Variants in LRRC8E observed in about 807,000 individuals in gnomAD.
The protein encoded by LRRC8E is leucine rich repeat containing 8 VRAC subunit E, also known as volume-regulated anion channel subunit LRRC8E.
Under a neutral mutation model 6.1 loss-of-function variants are expected in LRRC8E, and 6 were observed. The ratio of observed to expected loss-of-function variants is 0.98; its 90% CI spans 0.54 to 1.93. The LOEUF (loss-of-function observed/expected upper bound fraction) is 1.93, where lower values mean the gene tolerates loss of function less well. Ranked by LOEUF, LRRC8E falls within the 30% of genes most tolerant of loss-of-function variation. The pLI, the probability that LRRC8E is intolerant of heterozygous loss-of-function variation, is 0.01. For synonymous variants in LRRC8E, 485 were observed against 472.8 expected (o/e 1.03, Z -0.33); for missense variants, 1,028 against 1,031.4 (o/e 1.00, Z 0.04).
rs754526024 is a variant in LRRC8E, at chr19:7,899,802, C to T, written c.1280C>T (p.Pro427Leu). Residue 427 changes from proline (P) to leucine (L), a missense_variant, in exon 3 of 3, where the codon CCG becomes CTG. Transcript: ENST00000306708. Reference protein sequence around the residue: ...GRLELALCMLPGLPDTVFELS... With the variant: ...GRLELALCMLLGLPDTVFELS... ...CTGGAGCTGGCCCTCTGCATGCTGC[C>T]GGGTCTGCCCGACACCGTCTTTGAG... The T allele has an allele frequency of 2.4e-5, 39 of 1,607,788 alleles. No individual in the cohort carries two copies. The East Asian group carries it at 2.7e-4, about 11-fold the overall frequency.
chr19:7,899,194 CAAG>C lies in LRRC8E; in HGVS notation c.676_678del (p.Lys226del), dbSNP rs753458909. Reference sequence around the variant, plus strand: ...AGCCTCCAGTTGTCACCCTGTTGGACAAGAAGGAGGGTGAGCAAGCCAAAGCCC... The same window carrying C: ...AGCCTCCAGTTGTCACCCTGTTGGACAAGGAGGGTGAGCAAGCCAAAGCCC... On this transcript the variant is annotated inframe_deletion, in exon 3 of 3. Transcript: ENST00000306708. 55 of 1,614,096 alleles carry C rather than the reference CAAG, an allele frequency of 3.4e-5. No individual in the cohort carries two copies. The highest frequency in any genetic ancestry group is 1.6e-4 in the Middle Eastern group (1 of 6,062).
chr19:7,896,865 G>T (rs975322695), intron 2 of LRRC8E, among the ~76,000 whole-genome samples: 2 of 152,118 alleles, frequency 1.3e-5, no homozygotes, highest in African/African-American at 4.8e-5. Flanking sequence ...AAAGTGCTGG[G>T]ATTACAGGTG....
In LRRC8E at chr19:7,888,610, T is replaced by G. The variant is rs111819396; in HGVS notation, c.-6+10T>G. 1.1e-3 allele frequency: 169 copies of G among 152,248 alleles called. No individual in the cohort carries two copies. Among genetic ancestry groups the G allele is most frequent in the African/African-American group, 3.8e-3 (159 of 41,552 alleles). The allele number at this position is 152,248 out of a possible 1,614,324, so 9.4% of individuals were successfully genotyped here. ...CGTCCCTCCCGGAACGGTGAGTAGGTGGCTCTTTGCCTCTGGACACCCCAC... is the reference window on the plus strand; with the variant it reads ...CGTCCCTCCCGGAACGGTGAGTAGGGGGCTCTTTGCCTCTGGACACCCCAC... On this transcript the variant is annotated intron_variant, in intron 1 of 2. Transcript: ENST00000306708.
chr19:7,895,839 C>T lies in LRRC8E; in HGVS notation c.138+98C>T. ...CTCATCACCCAAGAAAGAGAGGAAA[C>T]TGAAGACAGAGCCCCACTCAAAGGC... On this transcript the variant is annotated intron_variant, in intron 2 of 2. Transcript: ENST00000306708. This position sits in a 1 kb window ranked among gnomAD's most constrained non-coding sequence, Gnocchi z 4.7. 1 of 1,487,654 alleles carries T rather than the reference C, an allele frequency of 6.7e-7. No individual in the cohort carries two copies. The highest frequency in any genetic ancestry group is 9.1e-7 in the Non-Finnish European group (1 of 1,094,248). 92.2% of individuals were successfully genotyped at this position (1,487,654 alleles called of 1,614,324 possible).
At chr19:7,889,441 C>CA (rs113557470) in intron 1 of LRRC8E, among the ~76,000 whole-genome samples, 11,620 of 141,002 alleles carry the variant, frequency 0.082, 485 homozygotes, top group Non-Finnish European at 0.1. Context: ...CACTCCATCT[C>CA]AAAAAAAAAA....
At position 7,895,699 on chromosome 19, in the gene LRRC8E, C is replaced by T. The variant is rs751055938; in HGVS notation, c.96C>T (p.Thr32=). The T allele has an allele frequency of 9.3e-6, 15 of 1,613,986 alleles. No homozygotes were observed. Among genetic ancestry groups the T allele is most frequent in the Middle Eastern group, 3.3e-4 (2 of 6,082 alleles). Residue 32 remains threonine (T), a synonymous_variant, in exon 2 of 3, where the codon ACC becomes ACT. Coordinates refer to ENST00000306708, the MANE Select transcript of LRRC8E (RefSeq NM_025061.6). The surrounding 1 kb of genome is among the most constrained non-coding windows in gnomAD (Gnocchi z 4.7). ...PWWDVLAEYL[T]VAMLMIGVFG... ...GGGACGTGCTGGCCGAGTACCTCAC[C>T]GTGGCCATGCTCATGATTGGGGTCT... is the stretch of plus-strand genomic sequence containing the variant.
chr19:7,891,296 C>G (rs1173616237), intron 1 of LRRC8E, among the ~76,000 whole-genome samples: 1 of 152,162 alleles, frequency 6.6e-6, no homozygotes, highest in African/African-American at 2.4e-5. Context: ...CTGGACCTTC[C>G]CACCAGCCCT....
intron 1 of LRRC8E, among the ~76,000 whole-genome samples, chr19:7,893,323 T>A (rs964023097): frequency 6.6e-6 from 1 of 151,870 alleles, no homozygotes; most frequent in Non-Finnish European, 1.5e-5. Flanking sequence ...GTATTTTTAA[T>A]AGAGACGGAG....
chr19:7,900,726 G>T lies in LRRC8E; in HGVS notation c.2204G>T (p.Ser735Ile), dbSNP rs1981955255. The change falls in exon 3 of 3, where the codon AGC (serine) becomes ATC (isoleucine). Residue 735 changes from serine to isoleucine, a missense_variant. Physicochemically the swap from Ser to Ile is moderately radical, Grantham distance 142. Coordinates refer to ENST00000306708, the MANE Select transcript of LRRC8E (RefSeq NM_025061.6). The surrounding 1 kb of genome is among the most constrained non-coding windows in gnomAD (Gnocchi z 5.0). ...RTLLLGDNQLSQLSPHVGALR... is the reference protein window; with the variant it reads ...RTLLLGDNQLIQLSPHVGALR... ...TTGCTTCTGGGCGACAACCAGCTGA[G>T]CCAGCTCTCGCCCCACGTGGGTGCC... is the stretch of plus-strand genomic sequence containing the variant. 2 of 1,612,966 alleles carry T rather than the reference G, an allele frequency of 1.2e-6. No individual in the cohort carries two copies. Among genetic ancestry groups the T allele is most frequent in the Non-Finnish European group, 1.7e-6 (2 of 1,179,896 alleles).
chr19:7,891,549 G>GTGTT (rs1555697641), intron 1 of LRRC8E, among the ~76,000 whole-genome samples: 27 of 145,540 alleles, frequency 1.9e-4, no homozygotes, highest in Middle Eastern at 3.5e-3. Flanking sequence ...GTGTGTGTTT[G>GTGTT]TGTGTGTGTG....
intron 1 of LRRC8E, 30 bp downstream of exon 1, chr19:7,888,630 C>A (rs1219871727): frequency 6.6e-6 from 1 of 152,288 alleles, no homozygotes; most frequent in Non-Finnish European, 1.5e-5. Context: ...CCTCTGGACA[C>A]CCCACGAGGT....
intron 2 of LRRC8E, among the ~76,000 whole-genome samples, chr19:7,896,057 C>T (rs1163201904): frequency 1.3e-5 from 2 of 152,070 alleles, no homozygotes; most frequent in Non-Finnish European, 2.9e-5. Context: ...CCTGCCTCAG[C>T]CTCCTGAGTA....
intron 2 of LRRC8E, among the ~76,000 whole-genome samples, chr19:7,898,070 C>T (rs949838143): frequency 1.3e-5 from 2 of 151,880 alleles, no homozygotes; most frequent in African/African-American, 2.4e-5. Context: ...ATTAGCTAGG[C>T]GTGGTAGTGC....
rs1268720399 is a variant in LRRC8E, at chr19:7,900,240, T to G, written c.1718T>G (p.Val573Gly). ...CTGCACAACGATGGGGCCCGTCTGG[T>G]TGCCCTGAACAGCCTCAAGAAGCTG... ...LSLHNDGARLVALNSLKKLAA... is the reference protein window; with the variant it reads ...LSLHNDGARLGALNSLKKLAA... The change falls in exon 3 of 3, where the codon GTT becomes GGT. Residue 573 changes from valine (V) to glycine (G), a missense_variant. Coordinates refer to ENST00000306708, the MANE Select transcript of LRRC8E (RefSeq NM_025061.6). The surrounding 1 kb of genome is among the most constrained non-coding windows in gnomAD (Gnocchi z 5.0). 1 of 1,613,244 alleles carries G rather than the reference T, an allele frequency of 6.2e-7. No individual in the cohort carries two copies. The highest frequency in any genetic ancestry group is 8.5e-7 in the Non-Finnish European group (1 of 1,180,006).
chr19:7,900,140 T>C lies in LRRC8E; in HGVS notation c.1618T>C (p.Leu540=), dbSNP rs757368738. The C allele has an allele frequency of 6.2e-7, 1 of 1,612,942 alleles. No homozygotes were observed. The highest frequency in any genetic ancestry group is 1.1e-5 in the South Asian group (1 of 91,088). The change falls in exon 3 of 3, where the codon TTG becomes CTG. Residue 540 remains leucine (L), a synonymous_variant. Transcript: ENST00000306708. The surrounding 1 kb of genome is among the most constrained non-coding windows in gnomAD (Gnocchi z 5.0). ...CCGGGAGCTGAAGCAGCTCAAGGTG[T>C]TGTCCCTCCGGAGCAACGCCGGGAA... ...SLRELKQLKV[L]SLRSNAGKVP...
chr19:7,892,389 T>G (rs531995296), intron 1 of LRRC8E, among the ~76,000 whole-genome samples: 1 of 151,794 alleles, frequency 6.6e-6, no homozygotes, highest in Non-Finnish European at 1.5e-5. Context: ...TTAGATTTTT[T>G]TGTAGAAATG....
At position 7,900,289 on chromosome 19, in the gene LRRC8E, G is replaced by A. The variant is rs770211063; in HGVS notation, c.1767G>A (p.Leu589=). Residue 589 remains leucine (L), a synonymous_variant, in exon 3 of 3, where the codon CTG becomes CTA. Coordinates refer to ENST00000306708, the MANE Select transcript of LRRC8E (RefSeq NM_025061.6). The surrounding 1 kb of genome is among the most constrained non-coding windows in gnomAD (Gnocchi z 5.0). ...KKLAALRELE[L]VACGLERIPH... Reference sequence around the variant, plus strand: ...TGGCGGCATTGCGGGAGCTGGAGCTGGTGGCCTGCGGGCTGGAGCGCATCC... The same window carrying A: ...TGGCGGCATTGCGGGAGCTGGAGCTAGTGGCCTGCGGGCTGGAGCGCATCC... 6.2e-7 allele frequency: 1 copy of A among 1,613,388 alleles called. No homozygotes were observed. The highest frequency in any genetic ancestry group is 1.1e-5 in the South Asian group (1 of 91,074).
rs765773911 is a variant in LRRC8E, at chr19:7,899,282, A to G, written c.760A>G (p.Met254Val). ...GGAAGAGGGCGACATCCTGTACACCATGTACATCCGACAGACGGTGCTGAA... is the reference window on the plus strand; with the variant it reads ...GGAAGAGGGCGACATCCTGTACACCGTGTACATCCGACAGACGGTGCTGAA... ...HVEEGDILYT[M>V]YIRQTVLKVC... The change falls in exon 3 of 3, where the codon ATG (methionine) becomes GTG (valine). Residue 254 changes from methionine to valine, a missense_variant. Transcript: ENST00000306708. 23 of 1,614,080 alleles carry G rather than the reference A, an allele frequency of 1.4e-5. No homozygotes were observed. The highest frequency in any genetic ancestry group is 1.8e-5 in the Non-Finnish European group (21 of 1,180,052).
rs1981502026 is a variant in LRRC8E at position 7,895,014 on chromosome 19, C to T, written c.-5-585C>T. On this transcript the variant is annotated intron_variant, in intron 1 of 2. Coordinates refer to ENST00000306708, the MANE Select transcript of LRRC8E (RefSeq NM_025061.6). The surrounding 1 kb of genome is among the most constrained non-coding windows in gnomAD (Gnocchi z 4.7). ...CTGACTAGCCTTCAGCTTGGCAGTC[C>T]CTGCCCCTGGGGCCCTAGTAACCAG... 1.3e-5 allele frequency: 2 copies of T among 152,904 alleles called. No homozygotes were observed. Among genetic ancestry groups the T allele is most frequent in the Admixed American group, 1.3e-4 (2 of 15,434 alleles). The allele number at this position is 152,904 out of a possible 1,614,324, so 9.5% of individuals were successfully genotyped here.
Sources: allele counts gnomAD v4.1 joint callset (sites outside exome capture counted in the v4.1 genomes callset), GRCh38; gene constraint gnomAD v4.1.1; non-coding constraint Gnocchi (gnomAD v3.1); transcripts MANE v1.5; gene names NCBI Gene and HGNC (gene_info 2026-07-23, HGNC 2026-07-21).